The following KIAA1217 variants were observed in gnomAD, a reference collection of about 807,000 sequenced individuals.
KIAA1217 encodes the protein sickle tail protein homolog.
A neutral mutation model predicts 163.9 loss-of-function variants in KIAA1217; 88 were observed. The ratio of observed to expected loss-of-function variants is 0.54; its 90% CI spans 0.45 to 0.64. The LOEUF (loss-of-function observed/expected upper bound fraction) is 0.64. Ranked by LOEUF, KIAA1217 falls within the 30% of genes least tolerant of loss-of-function variation. The probability of loss-of-function intolerance (pLI) is 0.00; values close to 1 mark genes in which losing one functional copy is unlikely to be tolerated. For missense variants in KIAA1217, 2,372 were observed against 2,475.0 expected, an observed-to-expected ratio of 0.96 and a Z score of 0.88; for synonymous variants, 903 against 923.1, an observed-to-expected ratio of 0.98 and a Z score of 0.39.
At position 23,796,368 on chromosome 10, in the gene KIAA1217, T is replaced by G. The variant is rs550817403; in HGVS notation, c.-321+101134T>G. Among the ~76,000 whole-genome samples, 48 of 152,002 alleles carry G rather than the reference T, an allele frequency of 3.2e-4. No homozygotes were observed. In the East Asian group the frequency reaches 7.7e-3, roughly 24 times the overall value. On this transcript the variant is annotated intron_variant, in intron 1 of 18. Transcript: ENST00000376462. ...ATTTATTTATTTATTTATTTATTTA[T>G]TTATTTTTTAATTGAGACGAAGTCT...
chr10:24,405,173 T>C (rs749516179), intron 3 of KIAA1217, among the ~76,000 whole-genome samples: 1 of 152,208 alleles, frequency 6.6e-6, no homozygotes, highest in Non-Finnish European at 1.5e-5. Flanking sequence ...GAATAAGCTC[T>C]GTGGGTTGCA....
chr10:23,796,446 C>T (rs1028800842), intron 1 of KIAA1217, among the ~76,000 whole-genome samples: 10 of 152,094 alleles, frequency 6.6e-5, no homozygotes, highest in African/African-American at 2.2e-4. Flanking sequence ...TCACTGCAAC[C>T]TCTGCCTCCC....
intron 2 of KIAA1217, among the ~76,000 whole-genome samples, chr10:24,082,951 G>A (rs1477240430): frequency 1.3e-5 from 2 of 152,206 alleles, no homozygotes; most frequent in African/African-American, 4.8e-5. Flanking sequence ...ACTGGTGTGA[G>A]ATGGTATCTC....
intron 9 of KIAA1217, among the ~76,000 whole-genome samples, chr10:24,502,494 G>A (rs1556404): frequency 0.42 from 63,492 of 151,860 alleles, 14,716 homozygotes; most frequent in African/African-American, 0.63. Flanking sequence ...AACAAATCCC[G>A]TAAATCTGCC....
chr10:23,886,097 G>A (rs958958536), intron 1 of KIAA1217, among the ~76,000 whole-genome samples: 28 of 151,816 alleles, frequency 1.8e-4, no homozygotes, highest in Non-Finnish European at 7.4e-5. Context: ...AGTGCCGAGG[G>A]TGGCTGTAGG....
intron 1 of KIAA1217, among the ~76,000 whole-genome samples, chr10:23,856,386 GAGT>G (rs1273422649): frequency 6.6e-6 from 1 of 152,356 alleles, no homozygotes; most frequent in African/African-American, 2.4e-5. Context: ...TGTCTCAGAA[GAGT>G]ACCCGTCTGT....
intron 1 of KIAA1217, among the ~76,000 whole-genome samples, chr10:23,931,774 G>A (rs949081724): frequency 1.1e-4 from 17 of 152,112 alleles, no homozygotes; most frequent in African/African-American, 3.9e-4. Flanking sequence ...TAAAACTTTT[G>A]TGTATCAGTA....
At chr10:23,837,326 T>C (rs1838521274) in intron 1 of KIAA1217, among the ~76,000 whole-genome samples, 1 of 152,142 alleles carries the variant, frequency 6.6e-6, no homozygotes. Context: ...TGCACCTGGT[T>C]CTCAGATTTT....
chr10:24,013,516 A>G (rs1392669062), intron 2 of KIAA1217, among the ~76,000 whole-genome samples: 1 of 152,068 alleles, frequency 6.6e-6, no homozygotes, highest in Non-Finnish European at 1.5e-5. Context: ...CTAATTCAAC[A>G]TCCATGTCTG....
intron 2 of KIAA1217, among the ~76,000 whole-genome samples, chr10:24,077,984 T>C (rs1202216086): frequency 6.6e-6 from 1 of 152,228 alleles, no homozygotes; most frequent in East Asian, 1.9e-4. Context: ...GCTGCATAAA[T>C]GTCTTCTTTT....
At position 24,119,220 on chromosome 10, in the gene KIAA1217, A is replaced by G. The variant is rs1431026238; in HGVS notation, c.-170-100406A>G. Among the ~76,000 whole-genome samples the G allele has an allele frequency of 3.3e-5, 5 of 152,212 alleles. 1 individual carries two copies. Among genetic ancestry groups the G allele is most frequent in the Non-Finnish European group, 7.3e-5 (5 of 68,046 alleles). On this transcript the variant is annotated intron_variant, in intron 2 of 18. Transcript: ENST00000376462. ...CTTTTGCCTCATTTCCTCCAATAATATAAACGATATTTTAACTTGGAAAAT... is the reference window on the plus strand; with the variant it reads ...CTTTTGCCTCATTTCCTCCAATAATGTAAACGATATTTTAACTTGGAAAAT...
chr10:24,491,132 G>A (rs931842201), intron 6 of KIAA1217, among the ~76,000 whole-genome samples: 1 of 152,108 alleles, frequency 6.6e-6, no homozygotes, highest in African/African-American at 2.4e-5. Flanking sequence ...GGAACATGCC[G>A]AAGGTGTGTC....
In KIAA1217 at chr10:24,546,424, G is replaced by A. The variant is rs965039665; in HGVS notation, c.*100G>A. 6.7e-6 allele frequency: 8 copies of A among 1,199,438 alleles called. No homozygotes were observed. Among genetic ancestry groups the A allele is most frequent in the African/African-American group, 6.1e-5 (4 of 65,168 alleles). The allele number at this position is 1,199,438 out of a possible 1,614,324, so 74.3% of individuals were successfully genotyped here. The stretch of plus-strand genomic sequence containing the variant: ...AGAGAATGTAACATATTGCTGTATC[G>A]TTTGAGGCTTAATGCTAAATATGTG... On this transcript the variant is annotated 3_prime_UTR_variant, in exon 21 of 21. Coordinates refer to ENST00000376454, the MANE Select transcript of KIAA1217 (RefSeq NM_019590.5).
intron 1 of KIAA1217, among the ~76,000 whole-genome samples, chr10:23,942,150 C>T (rs12360102): frequency 6.6e-6 from 1 of 151,988 alleles, no homozygotes; most frequent in South Asian, 2.1e-4. Context: ...GTCAGTATAT[C>T]ATCAAGATAC....
chr10:24,121,282 T>C lies in KIAA1217; in HGVS notation c.-170-98344T>C, dbSNP rs544476972. ...TGAGACTTCAGCAGTGAGTTTTTGC[T>C]ACATGTGTTGGTAATTGATTTCAGT... On this transcript the variant is annotated intron_variant, in intron 2 of 18. Transcript: ENST00000376462. Among the ~76,000 whole-genome samples, 3 of 152,344 alleles carry C rather than the reference T, an allele frequency of 2.0e-5. No individual in the cohort carries two copies. The South Asian group carries it at 6.2e-4, about 32-fold the overall frequency.
At chr10:24,340,869 G>A (rs1010164433) in intron 2 of KIAA1217, among the ~76,000 whole-genome samples, 1 of 152,246 alleles carries the variant, frequency 6.6e-6, no homozygotes, top group African/African-American at 2.4e-5. Context: ...CAAGTGAGCA[G>A]AAATGCCTCA....
chr10:24,285,311 T>C (rs1302926783), intron 2 of KIAA1217, among the ~76,000 whole-genome samples: 2 of 152,218 alleles, frequency 1.3e-5, no homozygotes, highest in Non-Finnish European at 2.9e-5. Flanking sequence ...TAGGCCAATG[T>C]CTGAGGGGTA....
At chr10:23,701,338 G>C (rs553556116) in intron 1 of KIAA1217, among the ~76,000 whole-genome samples, 19 of 152,162 alleles carry the variant, frequency 1.2e-4, no homozygotes, top group African/African-American at 4.6e-4. Context: ...AATCCTTTCC[G>C]TGAAATACTT....
chr10:24,269,672 C>T (rs939805310), intron 2 of KIAA1217, among the ~76,000 whole-genome samples: 1 of 152,172 alleles, frequency 6.6e-6, no homozygotes, highest in African/African-American at 2.4e-5. Context: ...TGGTTTTTCT[C>T]CTCAAGAAAT....
Sources: gnomAD v4.1 joint callset for allele counts (sites outside exome capture counted in the v4.1 genomes callset) on GRCh38, gnomAD v4.1.1 for gene constraint, MANE v1.5 for transcripts, NCBI Gene and HGNC (gene_info 2026-07-23, HGNC 2026-07-21) for gene names.